Variants in CHST11 observed in about 807,000 individuals in gnomAD.
The protein encoded by CHST11 is C4S-1.
In CHST11, 9 loss-of-function variants were observed where a neutral mutation model predicts 30.4. That is an observed-to-expected ratio of 0.30 (90% confidence interval 0.18 to 0.52). CHST11 has a LOEUF of 0.52. CHST11 is among the 20% of genes least tolerant of loss of function. The probability of loss-of-function intolerance (pLI) is 0.97; values close to 1 mark genes in which losing one functional copy is unlikely to be tolerated. For missense variants in CHST11, 348 were observed against 460.6 expected, an observed-to-expected ratio of 0.76 and a Z score of 2.24; for synonymous variants, 152 against 187.8, an observed-to-expected ratio of 0.81 and a Z score of 1.56.
At chr12:104,603,566 G>C (rs1450837935) in intron 2 of CHST11, among the ~76,000 whole-genome samples, 2 of 152,310 alleles carry the variant, frequency 1.3e-5, no homozygotes, top group Middle Eastern at 3.4e-3. Context: ...CTAACTAGTT[G>C]TGCAACCCTG....
intron 1 of CHST11, among the ~76,000 whole-genome samples, chr12:104,561,884 G>A (rs374466475): frequency 4.7e-4 from 70 of 150,422 alleles, no homozygotes; most frequent in African/African-American, 1.5e-3. Flanking sequence ...TCTGCCTCCC[G>A]GATTCAAGCG....
intron 1 of CHST11, among the ~76,000 whole-genome samples, chr12:104,583,872 C>T (rs1307321105): frequency 6.6e-6 from 1 of 152,078 alleles, no homozygotes; most frequent in Admixed American, 6.5e-5. Flanking sequence ...GCCACCACAC[C>T]CAGCTAATTT....
intron 2 of CHST11, among the ~76,000 whole-genome samples, chr12:104,620,398 G>A (rs769209398): frequency 6.6e-6 from 1 of 152,196 alleles, no homozygotes. Context: ...TCACGGTCAT[G>A]GGGGAAAGGG....
rs138710010 is a variant in CHST11 at position 104,682,725 on chromosome 12, G to C, written c.205-74224G>C. 1.1e-4 allele frequency among the ~76,000 whole-genome samples: 16 copies of C among 152,380 alleles called. No homozygotes were observed. In the East Asian group the frequency reaches 3.1e-3, roughly 29 times the overall value. On this transcript the variant is annotated intron_variant, in intron 2 of 2. Transcript: ENST00000303694. ...GGCATTAGGATTTCACCTGTATGATGTGTTTCTCCTGTGAAGCCACCTCAT... is the reference window on the plus strand; with the variant it reads ...GGCATTAGGATTTCACCTGTATGATCTGTTTCTCCTGTGAAGCCACCTCAT...
At chr12:104,563,371 C>A (rs774298323) in intron 1 of CHST11, among the ~76,000 whole-genome samples, 18 of 152,166 alleles carry the variant, frequency 1.2e-4, no homozygotes, top group Non-Finnish European at 1.0e-4. Flanking sequence ...TGTGCTTAGA[C>A]CGTGTCCAGC....
Position 104,744,477 on chromosome 12 carries a change from T to C in CHST11, c.205-12472T>C, listed in dbSNP as rs541449427. Among the ~76,000 whole-genome samples the C allele has an allele frequency of 3.9e-5, 6 of 152,360 alleles. No individual in the cohort carries two copies. In the South Asian group the frequency reaches 1.2e-3, roughly 32 times the overall value. On this transcript the variant is annotated intron_variant, in intron 2 of 2. Transcript: ENST00000303694. ...TTTTTTTCTTGTAAATTTGTTTAAG[T>C]TCCTTATAGATGCTGGATATTAGAC...
intron 1 of CHST11, among the ~76,000 whole-genome samples, chr12:104,481,819 C>T (rs1038728408): frequency 3.4e-5 from 5 of 145,514 alleles, no homozygotes; most frequent in African/African-American, 7.6e-5. Flanking sequence ...TCCCTCCCTC[C>T]GTCCCTCTTT....
At chr12:104,617,305 G>T (rs1235198452) in intron 2 of CHST11, among the ~76,000 whole-genome samples, 1 of 152,110 alleles carries the variant, frequency 6.6e-6, no homozygotes, top group Non-Finnish European at 1.5e-5. Context: ...TCATAGATTG[G>T]GTTGTTCCTT....
chr12:104,576,873 T>C (rs981312612), intron 1 of CHST11, among the ~76,000 whole-genome samples: 4 of 152,086 alleles, frequency 2.6e-5, no homozygotes, highest in Non-Finnish European at 4.4e-5. Context: ...CCAACATTCA[T>C]GTTGCCATTA....
intron 2 of CHST11, among the ~76,000 whole-genome samples, chr12:104,668,108 G>A (rs1461524139): frequency 6.6e-6 from 1 of 151,978 alleles, no homozygotes; most frequent in African/African-American, 2.4e-5. Context: ...TACCCTGGCT[G>A]TGTGACCTTG....
intron 1 of CHST11, among the ~76,000 whole-genome samples, chr12:104,467,786 G>T (rs912037496): frequency 2.6e-5 from 4 of 152,142 alleles, no homozygotes; most frequent in African/African-American, 9.7e-5. Context: ...AACCACAGAG[G>T]CCCCTCTAAG....
chr12:104,496,438 G>A (rs1045848148), intron 1 of CHST11, among the ~76,000 whole-genome samples: 4 of 152,172 alleles, frequency 2.6e-5, no homozygotes, highest in African/African-American at 9.7e-5. Context: ...GTGACTGCTG[G>A]CCACAATTCC....
intron 2 of CHST11, among the ~76,000 whole-genome samples, chr12:104,730,265 C>G (rs2136131957): frequency 6.6e-6 from 1 of 152,374 alleles, no homozygotes; most frequent in South Asian, 2.1e-4. Flanking sequence ...ATTAACCTCT[C>G]TGTTCACACG....
At chr12:104,689,888 C>T (rs1402756191) in intron 2 of CHST11, among the ~76,000 whole-genome samples, 1 of 152,178 alleles carries the variant, frequency 6.6e-6, no homozygotes. Flanking sequence ...CCCGTCTCTT[C>T]CCTTTCCTCT....
chr12:104,657,222 C>A (rs2039553065), intron 2 of CHST11, among the ~76,000 whole-genome samples: 1 of 152,064 alleles, frequency 6.6e-6, no homozygotes, highest in Non-Finnish European at 1.5e-5. Flanking sequence ...ATTTGCATGT[C>A]TTTCTTCTCA....
rs570079839 is a variant in CHST11 at position 104,514,816 on chromosome 12, A to C, written c.118+57287A>C. ...CTGCCCCCATGACACACTAGGCCCC[A>C]TGTCCAACATTGGTGATCACATTTT... is the stretch of plus-strand genomic sequence containing the variant. On this transcript the variant is annotated intron_variant, in intron 1 of 2. Coordinates refer to ENST00000303694, the MANE Select transcript of CHST11 (RefSeq NM_018413.6). Among the ~76,000 whole-genome samples the C allele has an allele frequency of 1.8e-4, 28 of 152,326 alleles. No homozygotes were observed. The South Asian group carries it at 5.6e-3, about 30-fold the overall frequency.
At chr12:104,709,241 C>G (rs992579226) in intron 2 of CHST11, among the ~76,000 whole-genome samples, 10 of 152,204 alleles carry the variant, frequency 6.6e-5, no homozygotes, top group Admixed American at 5.2e-4. Flanking sequence ...CCCCCTGCAC[C>G]CACAGCCTCG....
chr12:104,619,587 A>C (rs1308902243), intron 2 of CHST11, among the ~76,000 whole-genome samples: 1 of 152,102 alleles, frequency 6.6e-6, no homozygotes, highest in African/African-American at 2.4e-5. Flanking sequence ...AATCAGAATG[A>C]TTCGGGGTCT....
chr12:104,690,723 G>A (rs2039889494), intron 2 of CHST11, among the ~76,000 whole-genome samples: 2 of 152,204 alleles, frequency 1.3e-5, no homozygotes, highest in South Asian at 4.1e-4. Context: ...CAGCTACTGG[G>A]AAGGCTGAGG....
Sources: allele counts gnomAD v4.1 joint callset (sites outside exome capture counted in the v4.1 genomes callset), GRCh38; gene constraint gnomAD v4.1.1; transcripts MANE v1.5; gene names NCBI Gene and HGNC (gene_info 2026-07-23, HGNC 2026-07-21).